The following KRT28 variants were observed in gnomAD, a reference collection of about 807,000 sequenced individuals.
KRT28 encodes keratin, type I cytoskeletal 28.
A neutral mutation model predicts 48.1 loss-of-function variants in KRT28; 45 were observed. The ratio of observed to expected loss-of-function variants is 0.94; its 90% CI spans 0.74 to 1.20. The LOEUF is 1.20. Ranked by LOEUF, KRT28 falls within the 50% of genes most tolerant of loss-of-function variation. The probability of loss-of-function intolerance (pLI) is 0.00; values close to 1 mark genes in which losing one functional copy is unlikely to be tolerated. For synonymous variants in KRT28, 228 were observed against 227.4 expected, an observed-to-expected ratio of 1.00 and a Z score of -0.03; for missense variants, 571 against 574.1, an observed-to-expected ratio of 0.99 and a Z score of 0.06.
chr17:40,798,579 T>G (rs1904675980), intron 2 of KRT28, among the ~76,000 whole-genome samples, 188 bp from the exon 3 acceptor site: 2 of 152,220 alleles, frequency 1.3e-5, no homozygotes, highest in African/African-American at 4.8e-5. Context: ...GGAAGTTATT[T>G]CATCACACAA....
At position 40,799,833 on chromosome 17, in the gene KRT28, C is replaced by T. The variant is rs1904723157; in HGVS notation, c.61G>A (p.Val21Ile). 2 of 1,614,034 alleles carry T rather than the reference C, an allele frequency of 1.2e-6. No homozygotes were observed. The highest frequency in any genetic ancestry group is 1.7e-6 in the Non-Finnish European group (2 of 1,180,006). ...CCTGCACCTCCATTGAGGGGTCTGA[C>T]AGATCCAGCTCCAGACCTTAAGCAA... Reference protein sequence around the residue: ...HVCLRSGAGSVRPLNGGAGFA... With the variant: ...HVCLRSGAGSIRPLNGGAGFA... The change falls in exon 1 of 8, where the codon GTC becomes ATC. Residue 21 changes from valine to isoleucine, a missense_variant. Physicochemically the swap from Val to Ile is conservative, Grantham distance 29. Transcript: ENST00000306658.
intron 3 of KRT28, 102 bp downstream of exon 3, chr17:40,798,133 A>T: frequency 8.5e-7 from 1 of 1,181,184 alleles, no homozygotes; most frequent in South Asian, 1.5e-5. Context: ...GGCAAATTAT[A>T]ACAATGAACC....
chr17:40,796,821 G>C (rs562301280), intron 5 of KRT28, 95 bp downstream of exon 5: 4 of 1,456,124 alleles, frequency 2.7e-6, no homozygotes, highest in African/African-American at 1.4e-5. Context: ...TGCAGGCAAA[G>C]GTATAATAGG....
intron 5 of KRT28, among the ~76,000 whole-genome samples, chr17:40,794,355 T>G (rs1206183559): frequency 6.6e-6 from 1 of 152,200 alleles, no homozygotes; most frequent in Non-Finnish European, 1.5e-5. Context: ...CTTTTAAGGG[T>G]AGCAGAATAA....
intron 3 of KRT28, among the ~76,000 whole-genome samples, chr17:40,797,572 A>T (rs1904645895): frequency 6.6e-6 from 1 of 152,150 alleles, no homozygotes; most frequent in African/African-American, 2.4e-5. Flanking sequence ...AACATGGCGA[A>T]AACCCATCTC....
intron 5 of KRT28, among the ~76,000 whole-genome samples, chr17:40,796,362 G>A (rs1357996327): frequency 6.6e-6 from 1 of 152,238 alleles, no homozygotes; most frequent in African/African-American, 2.4e-5. Context: ...CTGAAGGCCT[G>A]GCTCCCAGGT....
chr17:40,794,189 G>A, intron 5 of KRT28, 143 bp from the exon 6 acceptor site: 1 of 1,014,370 alleles, frequency 9.9e-7, no homozygotes, highest in Non-Finnish European at 1.4e-6. Flanking sequence ...GGAAAGAAAG[G>A]AGGCTGGCAT....
At position 40,798,136 on chromosome 17, in the gene KRT28, A is replaced by T. The variant is rs1904658802; in HGVS notation, c.690+99T>A. 6 of 1,216,016 alleles carry T rather than the reference A, an allele frequency of 4.9e-6. No homozygotes were observed. In the East Asian group the frequency reaches 1.2e-4, roughly 24 times the overall value. The allele number at this position is 1,216,016 out of a possible 1,614,324, so 75.3% of individuals were successfully genotyped here. ...TCTGTATCCGTTGGCAAATTATAAC[A>T]ATGAACCTGAATTACTATTGTGATT... On this transcript the variant is annotated intron_variant, in intron 3 of 7. Transcript: ENST00000306658.
At chr17:40,794,732 T>C (rs1361452694) in intron 5 of KRT28, among the ~76,000 whole-genome samples, 1 of 152,172 alleles carries the variant, frequency 6.6e-6, no homozygotes, top group Non-Finnish European at 1.5e-5. Context: ...TTAATTAAGG[T>C]AATTTTCCTC....
chr17:40,794,137 T>G (rs1904557163), intron 5 of KRT28, 91 bp from the exon 6 acceptor site: 2 of 1,439,884 alleles, frequency 1.4e-6, no homozygotes, highest in Non-Finnish European at 1.9e-6. Context: ...GATTGCTCCC[T>G]GGGCAATTGT....
intron 5 of KRT28, among the ~76,000 whole-genome samples, chr17:40,795,038 G>A (rs1209905966): frequency 6.6e-6 from 1 of 152,064 alleles, no homozygotes; most frequent in Non-Finnish European, 1.5e-5. Flanking sequence ...AAATAATTTT[G>A]TATATTTCTA....
intron 1 of KRT28, 125 bp downstream of exon 1, chr17:40,799,312 TAGGAAGA>T: frequency 1.3e-6 from 1 of 769,134 alleles, no homozygotes; most frequent in Non-Finnish European, 2.0e-6. Flanking sequence ...TTTTGAATAG[TAGGAAGA>T]ATTGTTTATC....
chr17:40,792,696 G>A (rs1294344051), intron 7 of KRT28, 127 bp from the exon 8 acceptor site: 4 of 693,088 alleles, frequency 5.8e-6, no homozygotes, highest in African/African-American at 3.6e-5. Context: ...TATAATAATA[G>A]CTTGGGATAG....
At chr17:40,794,151 A>T (rs2143068726) in intron 5 of KRT28, 105 bp from the exon 6 acceptor site, 1 of 1,337,258 alleles carries the variant, frequency 7.5e-7, no homozygotes, top group East Asian at 2.3e-5. Context: ...CAATTGTGGA[A>T]ATTTGTGAGG....
rs1904667330 is a variant in KRT28 at position 40,798,366 on chromosome 17, G to A, written c.559C>T (p.Gln187Ter). ...CCGTTGATGTCGGCCTCTACGTTTT[G>A]GTGAAGGGTGAGCTCATTTTCATAC... Reference protein sequence around the residue: ...LKYENELTLHQNVEADINGLR... With the variant: ...LKYENELTLH Residue 187 changes from glutamine to a stop codon, truncating the protein, a stop_gained, in exon 3 of 8, where the codon CAA becomes TAA. Transcript: ENST00000306658. LOFTEE classifies it high-confidence loss of function. 1 of 1,609,648 alleles carries A rather than the reference G, an allele frequency of 6.2e-7. No homozygotes were observed. The highest frequency in any genetic ancestry group is 2.2e-5 in the East Asian group (1 of 44,818).
chr17:40,798,517 T>C (rs1904674582), intron 2 of KRT28, 126 bp from the exon 3 acceptor site: 2 of 1,055,260 alleles, frequency 1.9e-6, no homozygotes, highest in Non-Finnish European at 2.7e-6. Context: ...TATAAAAATA[T>C]ATGAAGAAAG....
chr17:40,793,415 AT>A (rs200030612), intron 6 of KRT28, among the ~76,000 whole-genome samples: 9,553 of 147,930 alleles, frequency 0.065, 744 homozygotes, highest in East Asian at 0.2. Flanking sequence ...TTTCCATTTG[AT>A]TTTTTTTTTT....
rs781280344 is a variant in KRT28, at chr17:40,796,948, G to T, written c.946C>A (p.Leu316Met). 6.2e-7 allele frequency: 1 copy of T among 1,611,110 alleles called. No homozygotes were observed. Among genetic ancestry groups the T allele is most frequent in the South Asian group, 1.1e-5 (1 of 90,924 alleles). The change falls in exon 5 of 8, where the codon CTG (leucine) becomes ATG (methionine). Residue 316 changes from leucine (L) to methionine (M), a missense_variant. Transcript: ENST00000306658. ...LTEMRRTLQT[L>M]EIQLQSLMAT... ...ATCAGGGACTGCAGCTGGATCTCCA[G>T]GGTCTGCAGGGTGCGCCTCATCTCG...
In KRT28 at chr17:40,799,559, G is replaced by A; in HGVS notation, c.335C>T (p.Ala112Val). The change falls in exon 1 of 8, where the codon GCT (alanine) becomes GTT (valine). Residue 112 changes from alanine to valine, a missense_variant. Ala to Val is a moderately conservative substitution (Grantham distance 64, BLOSUM62 0). Transcript: ENST00000306658. The stretch of plus-strand genomic sequence containing the variant: ...ACCCTTGATTTTTCTCTCTAATTCA[G>A]CATTTGCCTCCTCCAGAGCTCGCAC... ...DNVRALEEANAELERKIKGWY... is the reference protein window; with the variant it reads ...DNVRALEEANVELERKIKGWY... The A allele has an allele frequency of 1.2e-6, 2 of 1,614,084 alleles. No homozygotes were observed. Among genetic ancestry groups the A allele is most frequent in the East Asian group, 2.2e-5 (1 of 44,874 alleles).
Sources: allele counts gnomAD v4.1 joint callset (sites outside exome capture counted in the v4.1 genomes callset), GRCh38; gene constraint gnomAD v4.1.1; transcripts MANE v1.5; gene names NCBI Gene and HGNC (gene_info 2026-07-23, HGNC 2026-07-21).